SLC8A3: variants seen among roughly 807,000 people sequenced by gnomAD.
SLC8A3 encodes solute carrier family 8 member A3.
Under a neutral mutation model 65.4 loss-of-function variants are expected in SLC8A3, and 37 were observed. The observed-to-expected ratio is 0.57, with a 90% CI of 0.44 to 0.74. The LOEUF is 0.74. SLC8A3 is among the 30% of genes least tolerant of loss of function. The pLI is 0.00. For synonymous variants in SLC8A3, 461 were observed against 444.5 expected, an observed-to-expected ratio of 1.04 and a Z score of -0.47; for missense variants, 1,112 against 1,172.1, an observed-to-expected ratio of 0.95 and a Z score of 0.75.
chr14:70,107,444 T>A (rs929940450), intron 2 of SLC8A3, among the ~76,000 whole-genome samples: 1 of 152,072 alleles, frequency 6.6e-6, no homozygotes, highest in African/African-American at 2.4e-5. Context: ...TCAGATCCTA[T>A]CGACAAGGGC....
At chr14:70,130,693 A>G (rs1188852182) in intron 2 of SLC8A3, among the ~76,000 whole-genome samples, 1 of 152,258 alleles carries the variant, frequency 6.6e-6, no homozygotes, top group African/African-American at 2.4e-5. Context: ...CTGGCTGTAA[A>G]TGGCTCATTT....
chr14:70,058,733 C>T (rs1453028113), intron 3 of SLC8A3, among the ~76,000 whole-genome samples: 4 of 152,178 alleles, frequency 2.6e-5, no homozygotes, highest in Non-Finnish European at 5.9e-5. Context: ...AAGAGAAGAG[C>T]CTTTTTACTG....
intron 2 of SLC8A3, among the ~76,000 whole-genome samples, chr14:70,146,616 A>ATT (rs546119251): frequency 2.9e-4 from 44 of 152,356 alleles, no homozygotes; most frequent in African/African-American, 9.9e-4. Context: ...TATTTATAAA[A>ATT]TTTGAATGAC....
intron 1 of SLC8A3, among the ~76,000 whole-genome samples, chr14:70,187,650 C>G (rs1028895): frequency 7.0e-6 from 1 of 143,786 alleles, no homozygotes. Flanking sequence ...TCCGCGCGCG[C>G]GTGTGTGTTG....
chr14:70,075,094 G>T (rs1393740843), intron 2 of SLC8A3, among the ~76,000 whole-genome samples: 1 of 152,048 alleles, frequency 6.6e-6, no homozygotes, highest in African/African-American at 2.4e-5. Flanking sequence ...CTTGTTTTTG[G>T]AAACTGCAGG....
intron 2 of SLC8A3, among the ~76,000 whole-genome samples, chr14:70,067,853 A>G (rs1222435231): frequency 1.3e-5 from 2 of 152,126 alleles, no homozygotes; most frequent in Non-Finnish European, 2.9e-5. Flanking sequence ...CCCCATTTCC[A>G]GTTCTTCTTC....
chr14:70,060,737 C>A (rs917361820), intron 3 of SLC8A3, 99 bp downstream of exon 3: 5 of 805,516 alleles, frequency 6.2e-6, no homozygotes, highest in Non-Finnish European at 1.1e-5. Context: ...AGGAGGGAGA[C>A]AAAAATATAG....
At chr14:70,151,144 C>G (rs1896245965) in intron 2 of SLC8A3, among the ~76,000 whole-genome samples, 1 of 151,986 alleles carries the variant, frequency 6.6e-6, no homozygotes, top group Admixed American at 6.6e-5. Flanking sequence ...ATCCCAGCTA[C>G]TCAGGTGGCT....
intron 2 of SLC8A3, among the ~76,000 whole-genome samples, chr14:70,094,682 GA>G (rs1892034963): frequency 6.6e-6 from 1 of 152,218 alleles, no homozygotes; most frequent in African/African-American, 2.4e-5. Context: ...TCAGGATGAA[GA>G]CAGAATGTCC....
At chr14:70,050,917 T>A in intron 5 of SLC8A3, 91 bp downstream of exon 5, 1 of 773,440 alleles carries the variant, frequency 1.3e-6, no homozygotes. Flanking sequence ...CAAGCCTTCC[T>A]AGGGACTGGC....
chr14:70,130,099 C>G (rs986023638), intron 2 of SLC8A3, among the ~76,000 whole-genome samples: 13 of 152,216 alleles, frequency 8.5e-5, no homozygotes, highest in African/African-American at 2.7e-4. Flanking sequence ...CTACTGTTCT[C>G]TGCTTCGTCT....
At chr14:70,183,556 T>A (rs1247693368) in intron 1 of SLC8A3, among the ~76,000 whole-genome samples, 1 of 152,230 alleles carries the variant, frequency 6.6e-6, no homozygotes, top group Non-Finnish European at 1.5e-5. Context: ...GAGCCCTTTC[T>A]CTTTTCCCCT....
intron 1 of SLC8A3, among the ~76,000 whole-genome samples, chr14:70,187,639 G>GTGTGTGTGTGTT (rs775352761): frequency 0.015 from 1,978 of 128,086 alleles, 63 homozygotes; most frequent in Non-Finnish European, 0.023. Context: ...GTGTGTGTGT[G>GTGTGTGTGTGTT]TCCGCGCGCG....
chr14:70,045,505 G>A lies in SLC8A3; in HGVS notation c.*442C>T, dbSNP rs11851595. 8.3e-3 allele frequency: 1,294 copies of A among 155,974 alleles called. 16 individuals carry two copies. Among genetic ancestry groups the A allele is most frequent in the African/African-American group, 0.03 (1,262 of 41,696 alleles). The allele number at this position is 155,974 out of a possible 1,614,324, so 9.7% of individuals were successfully genotyped here. On this transcript the variant is annotated 3_prime_UTR_variant, in exon 7 of 7. Transcript: ENST00000356921. ...AAAAAGAACCCCACCCCAGCCACAT[G>A]AATGTGACTCATTTTCACGTCTTGT...
At chr14:70,136,101 C>G (rs1895182609) in intron 2 of SLC8A3, among the ~76,000 whole-genome samples, 2 of 152,074 alleles carry the variant, frequency 1.3e-5, no homozygotes, top group Non-Finnish European at 2.9e-5. Flanking sequence ...TGGACACACA[C>G]AGACACACAC....
At chr14:70,155,280 A>G (rs552321763) in intron 2 of SLC8A3, among the ~76,000 whole-genome samples, 1 of 152,226 alleles carries the variant, frequency 6.6e-6, no homozygotes, top group East Asian at 1.9e-4. Flanking sequence ...TTAAATATAC[A>G]CTAAATTACT....
chr14:70,131,039 C>A (rs1009836278), intron 2 of SLC8A3, among the ~76,000 whole-genome samples: 1 of 152,184 alleles, frequency 6.6e-6, no homozygotes, highest in African/African-American at 2.4e-5. Context: ...ACAGGACCCT[C>A]AGGAGCACCC....
Position 70,173,215 on chromosome 14 carries a change from G to A in SLC8A3, c.-62-4731C>T, listed in dbSNP as rs539421784. On this transcript the variant is annotated intron_variant, in intron 1 of 6. Coordinates refer to ENST00000356921, the MANE Select transcript of SLC8A3 (RefSeq NM_182932.3). ...TTTCACCTAAGGGTTTAGGATGGCT[G>A]TAAGTGGGCAAGACAGGAGCAGGAA... 2.6e-5 allele frequency among the ~76,000 whole-genome samples: 4 copies of A among 152,338 alleles called. No individual in the cohort carries two copies. In the South Asian group the frequency reaches 6.2e-4, roughly 24 times the overall value.
chr14:70,045,630 G>A lies in SLC8A3; in HGVS notation c.*317C>T. The A allele has an allele frequency of 4.1e-6, 1 of 243,352 alleles. No homozygotes were observed. Among genetic ancestry groups the A allele is most frequent in the Non-Finnish European group, 8.0e-6 (1 of 125,444 alleles). The allele number at this position is 243,352 out of a possible 1,614,324, so 15.1% of individuals were successfully genotyped here. A position where few individuals can be genotyped will look rare whatever the true frequency, so the allele number is the denominator to read the frequency against. On this transcript the variant is annotated 3_prime_UTR_variant, in exon 7 of 7. Transcript: ENST00000356921. ...AAAGGAATAATCAAAAGATGGAATA[G>A]AAGGAGGCGAAAGGCTCTGACCTTT...
Sources: gnomAD v4.1 joint callset for allele counts (sites outside exome capture counted in the v4.1 genomes callset) on GRCh38, gnomAD v4.1.1 for gene constraint, MANE v1.5 for transcripts, NCBI Gene and HGNC (gene_info 2026-07-23, HGNC 2026-07-21) for gene names.